THEMIS: variants seen among roughly 807,000 people sequenced by gnomAD.
THEMIS encodes protein THEMIS.
A neutral mutation model predicts 52.6 loss-of-function variants in THEMIS; 37 were observed. The ratio of observed to expected loss-of-function variants is 0.70; its 90% CI spans 0.54 to 0.93. The LOEUF (loss-of-function observed/expected upper bound fraction) is 0.93. THEMIS is among the 40% of genes least tolerant of loss of function. The pLI is 0.00. For synonymous variants in THEMIS, 292 were observed against 272.7 expected (o/e 1.07, Z -0.70); for missense variants, 808 against 763.1 (o/e 1.06, Z -0.69).
At chr6:127,846,212 C>T (rs979303580) in intron 2 of THEMIS, among the ~76,000 whole-genome samples, 48 of 152,038 alleles carry the variant, frequency 3.2e-4, no homozygotes, top group African/African-American at 1.1e-3. Context: ...ACTAAACAAA[C>T]AACTACCAAT....
chr6:127,843,312 G>C (rs996353207), intron 2 of THEMIS, among the ~76,000 whole-genome samples: 2 of 150,968 alleles, frequency 1.3e-5, no homozygotes, highest in African/African-American at 4.9e-5. Context: ...AAGTGCTTCA[G>C]AACACAAATC....
chr6:127,829,666 G>T lies in THEMIS; in HGVS notation c.519C>A (p.Phe173Leu), dbSNP rs1778629052. ...FNLPLSQEGE[F>L]YECEDERIYT... ...AAATACGTTCATCTTCACACTCGTA[G>T]AATTCTCCTTCTTGTGACAAAGGCA... The change falls in exon 3 of 6, where the codon TTC becomes TTA. Residue 173 changes from phenylalanine to leucine, a missense_variant. Transcript: ENST00000368248. 1 of 1,613,936 alleles carries T rather than the reference G, an allele frequency of 6.2e-7. No individual in the cohort carries two copies. The highest frequency in any genetic ancestry group is 8.5e-7 in the Non-Finnish European group (1 of 1,180,000).
chr6:127,697,668 C>A, the THEMIS span, among the ~76,000 whole-genome samples: 1 of 146,412 alleles, frequency 6.8e-6, no homozygotes, highest in Non-Finnish European at 1.6e-5. Context: ...AAGTCTTTTG[C>A]AATTGTTAAT....
At chr6:127,784,979 CTATCTATCTATCTATCTATCTATCTAT>C (rs1562255397) in intron 4 of THEMIS, among the ~76,000 whole-genome samples, 3,055 of 135,990 alleles carry the variant, frequency 0.022, 123 homozygotes, top group African/African-American at 0.075. Context: ...ATCTATCTAT[CTATCTATCTATCTATCTATCTATCTAT>C]TATCTATCTA....
chr6:127,751,709 A>G (rs1217756089), intron 4 of THEMIS, among the ~76,000 whole-genome samples: 1 of 151,688 alleles, frequency 6.6e-6, no homozygotes. Flanking sequence ...TATAAAAAAG[A>G]ACAGAACTGA....
intron 2 of THEMIS, among the ~76,000 whole-genome samples, chr6:127,832,623 C>T (rs1001220930): frequency 6.6e-6 from 1 of 151,870 alleles, no homozygotes; most frequent in African/African-American, 2.4e-5. Flanking sequence ...TCGTTTTATA[C>T]TGGGAAAAAT....
chr6:127,703,064 T>C, the THEMIS span, among the ~76,000 whole-genome samples: 1 of 133,524 alleles, frequency 7.5e-6, no homozygotes, highest in Non-Finnish European at 1.6e-5. Flanking sequence ...TTTTTTTTTT[T>C]TGAGACGGAG....
Position 127,712,290 on chromosome 6 carries a change from C to T in THEMIS, c.1895-2274G>A, listed in dbSNP as rs529363241. Among the ~76,000 whole-genome samples, 56 of 151,992 alleles carry T rather than the reference C, an allele frequency of 3.7e-4. No individual in the cohort carries two copies. In the Middle Eastern group the frequency reaches 0.014, roughly 37 times the overall value. ...TTAGAAGAGACCTTATACGTCAGCT[C>T]ACCCTGCCTGATCTAACCCAATCTT... On this transcript the variant is annotated intron_variant, in intron 5 of 5. Coordinates refer to ENST00000368248, the MANE Select transcript of THEMIS (RefSeq NM_001010923.3).
chr6:127,854,425 A>G (rs563655536), intron 2 of THEMIS, among the ~76,000 whole-genome samples: 1 of 151,934 alleles, frequency 6.6e-6, no homozygotes, highest in East Asian at 1.9e-4. Flanking sequence ...AAAGTCATCA[A>G]TGACTATCCA....
intron 4 of THEMIS, among the ~76,000 whole-genome samples, chr6:127,768,808 A>C (rs1224675669): frequency 6.6e-6 from 1 of 152,202 alleles, no homozygotes; most frequent in East Asian, 1.9e-4. Flanking sequence ...GATGTATGCA[A>C]AAGTATCACC....
At position 127,813,173 on chromosome 6, in the gene THEMIS, G is replaced by GT. The variant is rs750810949; in HGVS notation, c.1467_1468insA (p.Leu490ThrfsTer5). ...GGGTTGGCAAAGTCACTTATGAGTA[G>GT]GTAAGAGTCTGTAATGTCCTCCTCC... On this transcript the variant is annotated frameshift_variant, in exon 4 of 6. Coordinates refer to ENST00000368248, the MANE Select transcript of THEMIS (RefSeq NM_001010923.3). LOFTEE classifies it high-confidence loss of function. 32 of 1,613,978 alleles carry GT rather than the reference G, an allele frequency of 2.0e-5. No individual in the cohort carries two copies. The highest frequency in any genetic ancestry group is 2.6e-5 in the Non-Finnish European group (31 of 1,180,022).
chr6:127,716,604 C>T (rs868592136), intron 5 of THEMIS, among the ~76,000 whole-genome samples: 1 of 151,884 alleles, frequency 6.6e-6, no homozygotes, highest in Non-Finnish European at 1.5e-5. Context: ...CAATTTTTCC[C>T]TCTGCCCAGA....
At chr6:127,873,329 G>A (rs375870105) in intron 1 of THEMIS, among the ~76,000 whole-genome samples, 1 of 152,092 alleles carries the variant, frequency 6.6e-6, no homozygotes, top group Non-Finnish European at 1.5e-5. Flanking sequence ...AACTAGACAC[G>A]CTAAAACAAT....
chr6:127,817,117 T>G (rs1778161548), intron 3 of THEMIS, among the ~76,000 whole-genome samples: 1 of 152,230 alleles, frequency 6.6e-6, no homozygotes, highest in Non-Finnish European at 1.5e-5. Context: ...ATGAACATTT[T>G]CTATTTTTGT....
At chr6:127,706,985 G>C (rs1773817053), downstream of THEMIS, among the ~76,000 whole-genome samples, 1 of 152,138 alleles carries the variant, frequency 6.6e-6, no homozygotes, top group South Asian at 2.1e-4. Flanking sequence ...TCACAGTTCA[G>C]CATGGCTGGG....
chr6:127,755,508 A>AT (rs576668281), intron 4 of THEMIS, among the ~76,000 whole-genome samples: 15 of 152,080 alleles, frequency 9.9e-5, no homozygotes, highest in African/African-American at 2.7e-4. Context: ...ATTTTTAAAG[A>AT]TTTTTTTTAT....
At chr6:127,774,928 C>G (rs1373027680) in intron 4 of THEMIS, among the ~76,000 whole-genome samples, 1 of 152,158 alleles carries the variant, frequency 6.6e-6, no homozygotes, top group African/African-American at 2.4e-5. Context: ...TATGCCCACA[C>G]ATTTCCACCT....
At chr6:127,801,589 G>A (rs1352488952) in intron 4 of THEMIS, among the ~76,000 whole-genome samples, 1 of 151,500 alleles carries the variant, frequency 6.6e-6, no homozygotes, top group African/African-American at 2.4e-5. Flanking sequence ...TTGCTTTTTT[G>A]CCAGAAGAAA....
chr6:127,724,341 A>T (rs1774465819), intron 4 of THEMIS, among the ~76,000 whole-genome samples: 1 of 152,124 alleles, frequency 6.6e-6, no homozygotes, highest in Non-Finnish European at 1.5e-5. Flanking sequence ...TGTTAGAGAA[A>T]GTGAGAATTG....
Sources: allele counts gnomAD v4.1 joint callset (sites outside exome capture counted in the v4.1 genomes callset), GRCh38; gene constraint gnomAD v4.1.1; transcripts MANE v1.5; gene names NCBI Gene and HGNC (gene_info 2026-07-23, HGNC 2026-07-21).